Variants in GMDS observed in about 807,000 individuals in gnomAD.
GMDS encodes the protein GDP-mannose 4,6-dehydratase.
A neutral mutation model predicts 49.9 loss-of-function variants in GMDS; 20 were observed. That is an observed-to-expected ratio of 0.40 (90% CI 0.28 to 0.58). The LOEUF (loss-of-function observed/expected upper bound fraction) is 0.58. Among genes scored for constraint, GMDS ranks in the 20% least tolerant of loss-of-function variants. GMDS has a pLI of 0.42. For missense variants in GMDS, 362 were observed against 481.4 expected (o/e 0.75, Z 2.32); for synonymous variants, 177 against 178.6 (o/e 0.99, Z 0.07).
At chr6:2,224,533 A>C (rs1780734756) in intron 1 of GMDS, among the ~76,000 whole-genome samples, 1 of 152,266 alleles carries the variant, frequency 6.6e-6, no homozygotes, top group African/African-American at 2.4e-5. Context: ...TATTCTAAAG[A>C]GTGCACTGAG....
intron 7 of GMDS, among the ~76,000 whole-genome samples, chr6:1,919,796 C>A (rs988520375): frequency 3.3e-5 from 5 of 152,198 alleles, no homozygotes; most frequent in African/African-American, 1.2e-4. Flanking sequence ...TATTCTTACA[C>A]GAGATCTGGC....
intron 1 of GMDS, among the ~76,000 whole-genome samples, chr6:2,151,044 T>C (rs1183803336): frequency 1.3e-5 from 2 of 152,154 alleles, no homozygotes; most frequent in Non-Finnish European, 2.9e-5. Context: ...TAAGGTAATA[T>C]TAGCTTAAAA....
At chr6:2,161,638 G>C (rs116809233) in intron 1 of GMDS, among the ~76,000 whole-genome samples, 1 of 152,178 alleles carries the variant, frequency 6.6e-6, no homozygotes, top group Non-Finnish European at 1.5e-5. Context: ...GAGGTGGTGG[G>C]GGAACCCCCA....
At chr6:1,944,032 T>C (rs1196887910) in intron 6 of GMDS, among the ~76,000 whole-genome samples, 1 of 152,226 alleles carries the variant, frequency 6.6e-6, no homozygotes, top group African/African-American at 2.4e-5. Flanking sequence ...TCCCACATCG[T>C]TCCACATCAT....
chr6:1,719,787 T>G (rs140512269), intron 9 of GMDS, among the ~76,000 whole-genome samples: 1,963 of 152,338 alleles, frequency 0.013, 36 homozygotes, highest in African/African-American at 0.045. Flanking sequence ...TAGGTAGAAG[T>G]TGAGCTCAAC....
In GMDS at chr6:2,169,980, G is replaced by A. The variant is rs558529442; in HGVS notation, c.103-45249C>T. ...GCACTTTGGGAGGCCAAGGTGGGCCGATCACCTGAGGTCGGGAGTTCACGA... is the reference window on the plus strand; with the variant it reads ...GCACTTTGGGAGGCCAAGGTGGGCCAATCACCTGAGGTCGGGAGTTCACGA... On this transcript the variant is annotated intron_variant, in intron 1 of 10. Coordinates refer to ENST00000380815, the MANE Select transcript of GMDS (RefSeq NM_001500.4). Among the ~76,000 whole-genome samples, 148 of 152,304 alleles carry A rather than the reference G, an allele frequency of 9.7e-4. 1 individual carries two copies. Among genetic ancestry groups the A allele is most frequent in the African/African-American group, 2.7e-3 (113 of 41,574 alleles).
chr6:1,690,535 C>A (rs1765135037), intron 9 of GMDS, among the ~76,000 whole-genome samples: 1 of 152,142 alleles, frequency 6.6e-6, no homozygotes, highest in South Asian at 2.1e-4. Flanking sequence ...TGTAGACGTG[C>A]AGTCTTATTC....
At chr6:2,151,513 G>C (rs1167738402) in intron 1 of GMDS, among the ~76,000 whole-genome samples, 1 of 152,044 alleles carries the variant, frequency 6.6e-6, no homozygotes, top group Non-Finnish European at 1.5e-5. Context: ...ATGTCTTTGT[G>C]ACTGTAATGC....
chr6:1,864,786 G>A (rs180732314), intron 7 of GMDS, among the ~76,000 whole-genome samples: 273 of 152,260 alleles, frequency 1.8e-3, no homozygotes, highest in Non-Finnish European at 3.2e-3. Context: ...GGCTTGTCAG[G>A]CTAAGCTGAG....
rs57418452 is a variant in GMDS, at chr6:1,675,319, ATT to A, written c.988-50781_988-50780del. ...AACCTTGCTATAAATTAGTTCCAGG[ATT>A]TTTTTTTTTTTTTGGTTGTTTCTTC... On this transcript the variant is annotated intron_variant, in intron 9 of 10. Transcript: ENST00000380815. 9.1e-3 allele frequency among the ~76,000 whole-genome samples: 1,335 copies of A among 146,176 alleles called. 12 individuals are homozygous for A. Among genetic ancestry groups the A allele is most frequent in the African/African-American group, 0.027 (1,085 of 39,808 alleles).
intron 4 of GMDS, among the ~76,000 whole-genome samples, chr6:2,025,332 ATTAG>A (rs1768518754): frequency 1.3e-5 from 2 of 151,232 alleles, no homozygotes; most frequent in African/African-American, 4.9e-5. Context: ...AATCAAAACT[ATTAG>A]TTCTGTAAAT....
intron 1 of GMDS, among the ~76,000 whole-genome samples, chr6:2,130,802 C>T (rs1199115532): frequency 6.9e-6 from 1 of 144,768 alleles, no homozygotes; most frequent in Non-Finnish European, 1.6e-5. Context: ...GGAAGAAATG[C>T]CCTAAAAGAT....
intron 7 of GMDS, among the ~76,000 whole-genome samples, chr6:1,786,106 C>T (rs226445): frequency 0.39 from 59,239 of 152,096 alleles, 12,330 homozygotes; most frequent in African/African-American, 0.54. Flanking sequence ...AATTTGGAGA[C>T]GGTGAAGGTC....
intron 6 of GMDS, among the ~76,000 whole-genome samples, chr6:1,940,957 C>CA (rs1762794958): frequency 6.6e-6 from 1 of 152,184 alleles, no homozygotes; most frequent in Non-Finnish European, 1.5e-5. Context: ...AGCACCCCCT[C>CA]AATTATGTTC....
chr6:2,205,275 T>C (rs2127579177), intron 1 of GMDS, among the ~76,000 whole-genome samples: 1 of 152,344 alleles, frequency 6.6e-6, no homozygotes, highest in Non-Finnish European at 1.5e-5. Context: ...TAAATGCTAC[T>C]ATTCCCCATC....
chr6:1,855,582 G>A lies in GMDS; in HGVS notation c.771+74521C>T, dbSNP rs182364519. On this transcript the variant is annotated intron_variant, in intron 7 of 10. Coordinates refer to ENST00000380815, the MANE Select transcript of GMDS (RefSeq NM_001500.4). ...TTGTTATGTAAACAGCTGTCACCAG[G>A]AAGTAGTAAATGAAGTTAAATATCA... 1.0e-2 allele frequency among the ~76,000 whole-genome samples: 1,519 copies of A among 152,248 alleles called. 35 individuals carry two copies. Among genetic ancestry groups the A allele is most frequent in the Non-Finnish European group, 9.0e-3 (610 of 68,022 alleles).
At chr6:1,684,769 T>C (rs1283555216) in intron 9 of GMDS, among the ~76,000 whole-genome samples, 1 of 152,174 alleles carries the variant, frequency 6.6e-6, no homozygotes, top group African/African-American at 2.4e-5. Flanking sequence ...CCAAAACTCA[T>C]CAAATGTACA....
intron 4 of GMDS, among the ~76,000 whole-genome samples, chr6:1,994,849 C>T (rs1054648410): frequency 5.9e-5 from 9 of 151,932 alleles, no homozygotes; most frequent in Admixed American, 5.2e-4. Context: ...ATTTATTTCT[C>T]CTACTTAAAA....
intron 7 of GMDS, among the ~76,000 whole-genome samples, chr6:1,835,751 A>G (rs1191967574): frequency 1.3e-5 from 2 of 152,212 alleles, no homozygotes; most frequent in South Asian, 2.1e-4. Flanking sequence ...ATTCTTTAAG[A>G]TATCAATTTG....
Sources: allele counts gnomAD v4.1 joint callset (sites outside exome capture counted in the v4.1 genomes callset), GRCh38; gene constraint gnomAD v4.1.1; transcripts MANE v1.5; gene names NCBI Gene and HGNC (gene_info 2026-07-23, HGNC 2026-07-21).